Variants in HIVEP3 observed in about 807,000 individuals in gnomAD.
HIVEP3 encodes the protein transcription factor HIVEP3.
A neutral mutation model predicts 152.8 loss-of-function variants in HIVEP3; 49 were observed. The ratio of observed to expected loss-of-function variants is 0.32; its 90% confidence interval spans 0.26 to 0.41. HIVEP3 has a LOEUF of 0.41. Among genes scored for constraint, HIVEP3 ranks in the 10% least tolerant of loss-of-function variants. The pLI is 1.00. For synonymous variants in HIVEP3, 1,269 were observed against 1,289.0 expected (o/e 0.98, Z 0.33); for missense variants, 2,790 against 3,103.3 (o/e 0.90, Z 2.40).
chr1:41,999,800 G>A (rs756189168), intron 1 of HIVEP3, among the ~76,000 whole-genome samples: 48 of 152,026 alleles, frequency 3.2e-4, no homozygotes, highest in Non-Finnish European at 5.9e-4. Context: ...CAATATGAAT[G>A]GTTCCATCAT....
intron 2 of HIVEP3, among the ~76,000 whole-genome samples, chr1:41,679,090 T>C (rs1645999715): frequency 6.6e-6 from 1 of 152,194 alleles, no homozygotes; most frequent in Non-Finnish European, 1.5e-5. Context: ...AGGACTCATA[T>C]CACGACTGGG....
chr1:41,580,167 C>T lies in HIVEP3; in HGVS notation c.4631G>A (p.Arg1544Lys). The T allele has an allele frequency of 1.9e-6, 3 of 1,612,984 alleles. No homozygotes were observed. Among genetic ancestry groups the T allele is most frequent in the Non-Finnish European group, 2.5e-6 (3 of 1,179,354 alleles). The change falls in exon 4 of 9, where the codon AGA becomes AAA. Residue 1544 changes from arginine to lysine, a missense_variant. Around this residue, in one of 9 missense-constraint regions of HIVEP3, gnomAD observed 1,078 missense variants for 1,165.3 expected, o/e 0.93. Transcript: ENST00000372583. ...CTTCACGCTCAGTGGGGTCAACCCT[C>T]TTCGGTGAGGTTTGCCAGATGGCTG... ...YPQPSGKPHRRGLTPLSVKKE... is the reference protein window; with the variant it reads ...YPQPSGKPHRKGLTPLSVKKE...
In HIVEP3 at chr1:41,521,711, G is replaced by A. The variant is rs534864602; in HGVS notation, c.5383+3024C>T. On this transcript the variant is annotated intron_variant, in intron 6 of 8. Transcript: ENST00000372583. ...AAAGGCAAGTGAGAGGTAAAGTGAT[G>A]GGTGTCGGGAAGAGGCGGAACCTCC... Among the ~76,000 whole-genome samples the A allele has an allele frequency of 1.2e-3, 180 of 152,382 alleles. 1 individual carries two copies. Among genetic ancestry groups the A allele is most frequent in the African/African-American group, 3.8e-3 (160 of 41,584 alleles).
intron 1 of HIVEP3, among the ~76,000 whole-genome samples, chr1:41,704,701 G>A (rs1646409344): frequency 6.6e-6 from 1 of 152,214 alleles, no homozygotes; most frequent in African/African-American, 2.4e-5. Context: ...GAGACCCTGG[G>A]CAAACCATTC....
intron 1 of HIVEP3, among the ~76,000 whole-genome samples, chr1:41,946,204 C>T (rs1366499543): frequency 3.3e-5 from 5 of 152,164 alleles, no homozygotes; most frequent in African/African-American, 1.2e-4. Context: ...TCGTCCATGC[C>T]CCTTATGTCA....
intron 2 of HIVEP3, among the ~76,000 whole-genome samples, chr1:41,675,263 T>C (rs1380139537): frequency 6.6e-6 from 1 of 152,098 alleles, no homozygotes; most frequent in Admixed American, 6.5e-5. Context: ...TCCCCCTCGA[T>C]CCACCTGGGG....
chr1:41,649,212 G>C (rs979195495), intron 2 of HIVEP3, among the ~76,000 whole-genome samples: 2 of 152,164 alleles, frequency 1.3e-5, no homozygotes, highest in Non-Finnish European at 2.9e-5. Flanking sequence ...TCTTACTCTG[G>C]GAGACAAAAA....
At chr1:41,974,003 G>C (rs1486850080) in intron 1 of HIVEP3, among the ~76,000 whole-genome samples, 1 of 152,208 alleles carries the variant, frequency 6.6e-6, no homozygotes, top group Non-Finnish European at 1.5e-5. Flanking sequence ...TGAGGGGACA[G>C]AGAGAAAACT....
At chr1:41,768,893 G>A (rs946931554) in intron 1 of HIVEP3, among the ~76,000 whole-genome samples, 1 of 152,236 alleles carries the variant, frequency 6.6e-6, no homozygotes, top group Non-Finnish European at 1.5e-5. Flanking sequence ...TGAGCTCAGG[G>A]CTGTTCCTCA....
intron 5 of HIVEP3, among the ~76,000 whole-genome samples, chr1:41,525,596 C>T (rs368840776): frequency 7.2e-5 from 11 of 152,302 alleles, no homozygotes; most frequent in African/African-American, 2.6e-4. Flanking sequence ...GAGTCCTGAG[C>T]TCTCCCCCTC....
intron 3 of HIVEP3, among the ~76,000 whole-genome samples, chr1:41,604,982 G>A (rs938536289): frequency 3.3e-5 from 5 of 151,722 alleles, no homozygotes; most frequent in African/African-American, 1.2e-4. Context: ...GTGCACACCT[G>A]TGGTCCTAGC....
intron 1 of HIVEP3, among the ~76,000 whole-genome samples, chr1:41,877,435 A>G (rs1327075218): frequency 6.6e-6 from 1 of 152,188 alleles, no homozygotes; most frequent in Non-Finnish European, 1.5e-5. Context: ...ATTTTAACTG[A>G]ATTCTATTTC....
At chr1:41,868,411 T>C (rs984670514) in intron 1 of HIVEP3, among the ~76,000 whole-genome samples, 1 of 152,138 alleles carries the variant, frequency 6.6e-6, no homozygotes, top group African/African-American at 2.4e-5. Flanking sequence ...TGCACTTGGA[T>C]ACTTTTATGC....
At chr1:41,851,733 G>A (rs142355858) in intron 1 of HIVEP3, among the ~76,000 whole-genome samples, 1 of 152,344 alleles carries the variant, frequency 6.6e-6, no homozygotes, top group African/African-American at 2.4e-5. Flanking sequence ...CGTGCCCTTA[G>A]GCTGGTGTTC....
At chr1:42,014,954 A>C (rs1645513481) in intron 1 of HIVEP3, among the ~76,000 whole-genome samples, 1 of 152,082 alleles carries the variant, frequency 6.6e-6, no homozygotes, top group South Asian at 2.1e-4. Flanking sequence ...TACTCCACTC[A>C]CATAAAGATG....
intron 3 of HIVEP3, among the ~76,000 whole-genome samples, chr1:41,591,164 T>C (rs78099636): frequency 0.013 from 1,926 of 152,306 alleles, 54 homozygotes; most frequent in African/African-American, 0.043. Flanking sequence ...GTCCTGGCTC[T>C]GCTGCTTTTA....
intron 1 of HIVEP3, among the ~76,000 whole-genome samples, chr1:42,001,758 T>G (rs1051617331): frequency 6.6e-6 from 1 of 152,208 alleles, no homozygotes; most frequent in Non-Finnish European, 1.5e-5. Context: ...ACAGACATAC[T>G]GCTTGGTAAA....
intron 1 of HIVEP3, among the ~76,000 whole-genome samples, chr1:41,737,396 G>A (rs776756565): frequency 7.2e-5 from 11 of 152,098 alleles, no homozygotes; most frequent in Non-Finnish European, 1.0e-4. Context: ...GTGGTCAACC[G>A]TCATATCTGA....
Position 41,593,159 on chromosome 1 carries a change from T to C in HIVEP3, c.-521-7841A>G, listed in dbSNP as rs1398105817. ...AAACGAAAATTCTTAAATGAAAAATTACTTGAAAAATTTTAAACCACTGCA... is the reference window on the plus strand; with the variant it reads ...AAACGAAAATTCTTAAATGAAAAATCACTTGAAAAATTTTAAACCACTGCA... On this transcript the variant is annotated intron_variant, in intron 3 of 8. Transcript: ENST00000372583. Among the ~76,000 whole-genome samples, 2 of 152,184 alleles carry C rather than the reference T, an allele frequency of 1.3e-5. 1 individual carries two copies. Among genetic ancestry groups the C allele is most frequent in the East Asian group, 3.8e-4 (2 of 5,198 alleles).
Sources: gnomAD v4.1 joint callset for allele counts (sites outside exome capture counted in the v4.1 genomes callset) on GRCh38, gnomAD v4.1.1 for gene constraint, gnomAD v4.1.1 regional missense constraint, MANE v1.5 for transcripts, NCBI Gene and HGNC (gene_info 2026-07-23, HGNC 2026-07-21) for gene names.